The following CTNNA2 variants were observed in gnomAD, a reference collection of about 807,000 sequenced individuals.
CTNNA2 encodes catenin alpha-2.
A neutral mutation model predicts 101.0 loss-of-function variants in CTNNA2; 42 were observed. The observed-to-expected ratio is 0.42, with a 90% CI of 0.32 to 0.54. The LOEUF (loss-of-function observed/expected upper bound fraction) is 0.54, where lower values mean the gene tolerates loss of function less well. Ranked by LOEUF, CTNNA2 falls within the 20% of genes least tolerant of loss-of-function variation. CTNNA2 has a pLI of 0.14. For synonymous variants in CTNNA2, 450 were observed against 456.4 expected, an observed-to-expected ratio of 0.99 and a Z score of 0.18; for missense variants, 871 against 1,223.1, an observed-to-expected ratio of 0.71 and a Z score of 4.29.
intron 2 of CTNNA2, among the ~76,000 whole-genome samples, chr2:79,702,944 C>G (rs780391413): frequency 6.6e-6 from 1 of 152,146 alleles, no homozygotes; most frequent in African/African-American, 2.4e-5. Flanking sequence ...TGCAGCCCTT[C>G]AAACACAGGA....
At position 79,205,616 on chromosome 2, in the gene CTNNA2, A is replaced by G. The variant is rs377441897; in HGVS notation, c.-406+7540A>G. On this transcript the variant is annotated intron_variant, in intron 2 of 21. Coordinates refer to the CTNNA2 transcript ENST00000466387. ...GCTCATTACAGTAATTCACTTTTCAACAGGAAAGTCTGAACTGATGATAAA... is the reference window on the plus strand; with the variant it reads ...GCTCATTACAGTAATTCACTTTTCAGCAGGAAAGTCTGAACTGATGATAAA... Among the ~76,000 whole-genome samples the G allele has an allele frequency of 1.3e-3, 195 of 152,280 alleles. 12 individuals are homozygous for G. In the South Asian group the frequency reaches 0.039, roughly 30 times the overall value.
intron 9 of CTNNA2, among the ~76,000 whole-genome samples, chr2:80,455,308 G>A (rs1223149534): frequency 6.6e-6 from 1 of 152,336 alleles, no homozygotes; most frequent in Middle Eastern, 3.4e-3. Context: ...GACATAAAGA[G>A]AAACTGTTAC....
intron 7 of CTNNA2, among the ~76,000 whole-genome samples, chr2:80,133,548 A>C (rs980085439): frequency 2.0e-5 from 3 of 152,232 alleles, no homozygotes; most frequent in Non-Finnish European, 4.4e-5. Context: ...ATGAATGTGC[A>C]AATGGAAGCA....
chr2:80,439,760 C>G (rs1032791695), intron 9 of CTNNA2, among the ~76,000 whole-genome samples: 1 of 152,124 alleles, frequency 6.6e-6, no homozygotes, highest in Non-Finnish European at 1.5e-5. Flanking sequence ...TTTGAAAACA[C>G]TTTCCTCAAT....
intron 9 of CTNNA2, among the ~76,000 whole-genome samples, chr2:80,467,423 G>A (rs1684952374): frequency 6.6e-6 from 1 of 152,144 alleles, no homozygotes; most frequent in African/African-American, 2.4e-5. Flanking sequence ...AAGATACGTG[G>A]TTAGTACATG....
chr2:80,411,512 GA>G (rs1396127677), intron 8 of CTNNA2, among the ~76,000 whole-genome samples: 1 of 152,200 alleles, frequency 6.6e-6, no homozygotes, highest in Non-Finnish European at 1.5e-5. Flanking sequence ...GGGTGGGGAA[GA>G]GGGGAGCTTT....
intron 11 of CTNNA2, among the ~76,000 whole-genome samples, chr2:80,551,849 C>A (rs913606292): frequency 5.3e-5 from 8 of 152,156 alleles, no homozygotes; most frequent in Admixed American, 3.9e-4. Flanking sequence ...CTTGTACTTA[C>A]AAGTTGGCTG....
intron 4 of CTNNA2, among the ~76,000 whole-genome samples, chr2:79,415,634 GA>G (rs1192491098): frequency 6.6e-6 from 1 of 152,058 alleles, no homozygotes; most frequent in Admixed American, 6.6e-5. Context: ...TACTATGTGG[GA>G]AAATGGGCAA....
intron 4 of CTNNA2, among the ~76,000 whole-genome samples, chr2:79,861,147 G>C (rs1012212558): frequency 1.3e-5 from 2 of 152,142 alleles, no homozygotes; most frequent in South Asian, 2.1e-4. Context: ...AGTGACTCTG[G>C]TTTTCTAGTT....
At chr2:79,269,476 A>G (rs1573007792) in intron 2 of CTNNA2, among the ~76,000 whole-genome samples, 1 of 152,270 alleles carries the variant, frequency 6.6e-6, no homozygotes, top group East Asian at 1.9e-4. Context: ...AGACCCTCCA[A>G]GTCCTCTGCA....
At chr2:80,036,815 GTGTGTGTT>G (rs1402590785) in intron 7 of CTNNA2, among the ~76,000 whole-genome samples, 1 of 121,160 alleles carries the variant, frequency 8.3e-6, no homozygotes, top group African/African-American at 3.4e-5. Flanking sequence ...TTCATTGTGT[GTGTGTGTT>G]TGTGTGTGTG....
At chr2:79,918,926 A>T (rs1402825432) in intron 7 of CTNNA2, among the ~76,000 whole-genome samples, 2 of 152,250 alleles carry the variant, frequency 1.3e-5, no homozygotes, top group African/African-American at 4.8e-5. Flanking sequence ...GGTACAGATT[A>T]TAAAATATTT....
chr2:79,427,807 A>G (rs1292660046), intron 4 of CTNNA2, among the ~76,000 whole-genome samples: 1 of 152,036 alleles, frequency 6.6e-6, no homozygotes, highest in African/African-American at 2.4e-5. Flanking sequence ...CAGGTCTCCA[A>G]ATGGAACCTG....
intron 7 of CTNNA2, among the ~76,000 whole-genome samples, chr2:80,175,411 C>T (rs1705329698): frequency 6.6e-6 from 1 of 152,154 alleles, no homozygotes; most frequent in Admixed American, 6.5e-5. Flanking sequence ...CTATTGTATT[C>T]TCAGTGTCTA....
Position 80,569,165 on chromosome 2 carries a change from C to T in CTNNA2, c.1742-4998C>T, listed in dbSNP as rs141023207. Among the ~76,000 whole-genome samples the T allele has an allele frequency of 4.9e-3, 741 of 152,248 alleles. 4 individuals carry two copies. Among genetic ancestry groups the T allele is most frequent in the Non-Finnish European group, 7.0e-3 (475 of 68,034 alleles). ...CTGTGTTCTGAAACTTCATCCCTGA[C>T]GTCTCTCAGGAGAATTTATTCCAGA... On this transcript the variant is annotated intron_variant, in intron 12 of 18. Coordinates refer to ENST00000402739, the MANE Select transcript of CTNNA2 (RefSeq NM_001282597.3).
At chr2:80,570,957 T>C (rs553343313) in intron 12 of CTNNA2, among the ~76,000 whole-genome samples, 18 of 152,202 alleles carry the variant, frequency 1.2e-4, no homozygotes, top group Non-Finnish European at 1.2e-4. Flanking sequence ...ATGAAGTCCA[T>C]TTAGGTTTTA....
intron 3 of CTNNA2, among the ~76,000 whole-genome samples, chr2:79,343,869 A>T (rs1677195638): frequency 6.6e-6 from 1 of 152,094 alleles, no homozygotes; most frequent in African/African-American, 2.4e-5. Flanking sequence ...CTTTCGTTAA[A>T]GTTACCCAGA....
At chr2:80,289,216 A>C (rs561562613) in intron 7 of CTNNA2, 2 of 152,126 alleles carry the variant, frequency 1.3e-5, no homozygotes, top group Non-Finnish European at 2.9e-5. Flanking sequence ...CCATAATATT[A>C]AAATAAATAA....
At chr2:79,578,242 C>A (rs1052100799) in intron 1 of CTNNA2, among the ~76,000 whole-genome samples, 61 of 151,934 alleles carry the variant, frequency 4.0e-4, no homozygotes, top group African/African-American at 1.3e-3. Context: ...GTTAATAGGT[C>A]TTTTTTTAAT....
Sources: gnomAD v4.1 joint callset for allele counts (sites outside exome capture counted in the v4.1 genomes callset) on GRCh38, gnomAD v4.1.1 for gene constraint, MANE v1.5 for transcripts, NCBI Gene and HGNC (gene_info 2026-07-23, HGNC 2026-07-21) for gene names.